Variants in ADSS2 observed in about 807,000 individuals in gnomAD.
The protein encoded by ADSS2 is adenylosuccinate synthetase isozyme 2.
A neutral mutation model predicts 60.0 loss-of-function variants in ADSS2; 30 were observed. That is an observed-to-expected ratio of 0.50 (90% CI 0.37 to 0.68). The LOEUF (loss-of-function observed/expected upper bound fraction) is 0.68, where lower values mean the gene tolerates loss of function less well. Among genes scored for constraint, ADSS2 ranks in the 30% least tolerant of loss-of-function variants. ADSS2 has a pLI of 0.00. For missense variants in ADSS2, 373 were observed against 554.8 expected, an observed-to-expected ratio of 0.67 and a Z score of 3.29; for synonymous variants, 187 against 193.1, an observed-to-expected ratio of 0.97 and a Z score of 0.26.
chr1:244,443,708 T>C (rs1374424334), intron 1 of ADSS2, among the ~76,000 whole-genome samples: 3 of 152,166 alleles, frequency 2.0e-5, no homozygotes, highest in Non-Finnish European at 4.4e-5. Flanking sequence ...TTTGACATTG[T>C]TTTTTTCAGT....
chr1:244,439,488 G>A (rs1214739808), intron 1 of ADSS2, among the ~76,000 whole-genome samples: 4 of 152,068 alleles, frequency 2.6e-5, no homozygotes, highest in African/African-American at 7.2e-5. Context: ...TCAGGACTCC[G>A]CCCAGTGCCC....
chr1:244,446,792 C>T (rs944919811), intron 1 of ADSS2, among the ~76,000 whole-genome samples: 2 of 152,048 alleles, frequency 1.3e-5, no homozygotes, highest in African/African-American at 4.8e-5. Context: ...TCACACAGCT[C>T]TTTGTAAATG....
In ADSS2 at chr1:244,420,283, T is replaced by C. The variant is rs55648210; in HGVS notation, c.677A>G (p.Lys226Arg). 45,436 of 1,611,724 alleles carry C rather than the reference T, an allele frequency of 0.028. 809 individuals are homozygous for C. Among genetic ancestry groups the C allele is most frequent in the South Asian group, 0.046 (4,163 of 90,918 alleles). Residue 226 changes from lysine (K) to arginine (R), a missense_variant, in exon 8 of 13, where the codon AAG becomes AGG. Lys to Arg is a conservative substitution (Grantham distance 26). This residue lies in a region of ADSS2 where 139 missense variants were observed against 189.4 expected (regional missense o/e 0.73). Transcript: ENST00000366535. ...TCCATCTCTCACCATTGGTTTAATC[T>C]TTTCCATATAACCCTATACACAAAG... The part of the protein sequence containing the change: ...ELQKLKGYME[K>R]IKPMVRDGVY...
chr1:244,451,753 C>T lies in ADSS2; in HGVS notation c.65G>A (p.Arg22Lys). The T allele has an allele frequency of 1.2e-6, 2 of 1,602,144 alleles. No individual in the cohort carries two copies. Among genetic ancestry groups the T allele is most frequent in the Non-Finnish European group, 8.5e-7 (1 of 1,174,884 alleles). The change falls in exon 1 of 13, where the codon AGG becomes AAG. Residue 22 changes from arginine (R) to lysine (K), a missense_variant. Physicochemically the swap from Arg to Lys is conservative, Grantham distance 26. Transcript: ENST00000366535. The surrounding 1 kb of genome is among the most constrained non-coding windows in gnomAD (Gnocchi z 6.6). ...SLPNGDCGRP[R>K]ARPGGNRVTV... ...CACCCGGTTTCCTCCGGGCCGCGCC[C>T]TGGGGCGGCCGCAATCGCCGTTGGG...
chr1:244,412,552 T>C (rs1664439311), intron 11 of ADSS2, among the ~76,000 whole-genome samples: 1 of 152,186 alleles, frequency 6.6e-6, no homozygotes, highest in African/African-American at 2.4e-5. Context: ...TGGATGGCTT[T>C]TGATGAACGC....
At chr1:244,444,243 C>T (rs951459273) in intron 1 of ADSS2, among the ~76,000 whole-genome samples, 11 of 151,834 alleles carry the variant, frequency 7.2e-5, no homozygotes, top group Admixed American at 1.3e-4. Flanking sequence ...AGGCCGGGCG[C>T]GGTGGCTCAC....
chr1:244,436,064 C>T (rs888734619), intron 3 of ADSS2, among the ~76,000 whole-genome samples: 20 of 152,094 alleles, frequency 1.3e-4, no homozygotes, highest in African/African-American at 4.6e-4. Context: ...CCTTTTTTCC[C>T]CTGGAAACAC....
At chr1:244,443,871 G>A (rs756552890) in intron 1 of ADSS2, among the ~76,000 whole-genome samples, 2 of 152,112 alleles carry the variant, frequency 1.3e-5, no homozygotes, top group African/African-American at 2.4e-5. Context: ...TGCTGACACC[G>A]CCTTCTCATT....
chr1:244,429,991 T>G (rs112529522), intron 4 of ADSS2, among the ~76,000 whole-genome samples: 2 of 5,058 alleles, frequency 4.0e-4, no homozygotes, highest in Admixed American at 5.6e-3. Context: ...TTTAAAGCAT[T>G]AACACACCCA....
chr1:244,443,842 G>T (rs1009371139), intron 1 of ADSS2, among the ~76,000 whole-genome samples: 1 of 152,180 alleles, frequency 6.6e-6, no homozygotes, highest in African/African-American at 2.4e-5. Context: ...CAGAGTGGCG[G>T]AGCGGCTCTC....
rs925662436 is a variant in ADSS2 at position 244,419,921 on chromosome 1, G to A, written c.790+249C>T. ...AAACCAACGAAAACCACAATTTACA[G>A]AACCTCAGACCTACTGAACTCAAAT... On this transcript the variant is annotated intron_variant, in intron 8 of 12. Coordinates refer to ENST00000366535, the MANE Select transcript of ADSS2 (RefSeq NM_001126.5). Among the ~76,000 whole-genome samples, 3 of 152,086 alleles carry A rather than the reference G, an allele frequency of 2.0e-5. No homozygotes were observed. The South Asian group carries it at 6.2e-4, about 32-fold the overall frequency.
intron 12 of ADSS2, among the ~76,000 whole-genome samples, chr1:244,410,657 G>A (rs746934739): frequency 4.6e-4 from 70 of 151,874 alleles, no homozygotes; most frequent in Admixed American, 2.6e-4. Context: ...ATTTTTTGTG[G>A]TGGTAGAGAT....
intron 7 of ADSS2, 102 bp downstream of exon 7, chr1:244,422,733 C>T: frequency 2.4e-6 from 2 of 825,164 alleles, no homozygotes. Context: ...AAACAATTTC[C>T]TTTGCCAGTT....
At chr1:244,427,167 A>T (rs1041467840) in intron 4 of ADSS2, among the ~76,000 whole-genome samples, 2 of 152,176 alleles carry the variant, frequency 1.3e-5, no homozygotes, top group African/African-American at 4.8e-5. Flanking sequence ...GGTTAATGCA[A>T]TAGGTCCTTG....
chr1:244,436,714 A>T (rs752333290), intron 3 of ADSS2, 111 bp downstream of exon 3: 1 of 896,018 alleles, frequency 1.1e-6, no homozygotes, highest in Non-Finnish European at 1.7e-6. Flanking sequence ...ATTCGTCTAT[A>T]ATAGCCCGAA....
rs1470109777 is a variant in ADSS2, at chr1:244,415,389, C to T, written c.1168+592G>A. Among the ~76,000 whole-genome samples, 5 of 152,312 alleles carry T rather than the reference C, an allele frequency of 3.3e-5. No homozygotes were observed. In the East Asian group the frequency reaches 7.7e-4, roughly 23 times the overall value. Reference sequence around the variant, plus strand: ...ATGTAAGACAAGGAAAGATAATATGCATTTAATTTCTAAGAACTTAGAGCT... The same window carrying T: ...ATGTAAGACAAGGAAAGATAATATGTATTTAATTTCTAAGAACTTAGAGCT... On this transcript the variant is annotated intron_variant, in intron 11 of 12. Coordinates refer to ENST00000366535, the MANE Select transcript of ADSS2 (RefSeq NM_001126.5).
intron 12 of ADSS2, among the ~76,000 whole-genome samples, chr1:244,410,168 T>C (rs550343817): frequency 6.6e-6 from 1 of 152,352 alleles, no homozygotes; most frequent in Admixed American, 6.5e-5. Flanking sequence ...CACTGCTGTT[T>C]ATATTTCAAG....
At chr1:244,445,785 G>T (rs1558281648) in intron 1 of ADSS2, among the ~76,000 whole-genome samples, 1 of 152,122 alleles carries the variant, frequency 6.6e-6, no homozygotes, top group South Asian at 2.1e-4. Context: ...GTGCATTTCT[G>T]CTGTGGTAGA....
At chr1:244,435,871 G>A (rs148105644) in intron 3 of ADSS2, among the ~76,000 whole-genome samples, 8 of 152,296 alleles carry the variant, frequency 5.3e-5, no homozygotes, top group African/African-American at 1.9e-4. Flanking sequence ...TGTATCAGCT[G>A]GCAAACAGCA....
Sources: allele counts gnomAD v4.1 joint callset (sites outside exome capture counted in the v4.1 genomes callset), GRCh38; gene constraint gnomAD v4.1.1; regional missense constraint gnomAD v4.1.1; non-coding constraint Gnocchi (gnomAD v3.1); transcripts MANE v1.5; gene names NCBI Gene and HGNC (gene_info 2026-07-23, HGNC 2026-07-21).